The following TSHZ2 variants were observed in gnomAD, a reference collection of about 807,000 sequenced individuals.
The protein encoded by TSHZ2 is teashirt homolog 2.
In TSHZ2, 21 loss-of-function variants were observed where a neutral mutation model predicts 74.4. The observed-to-expected ratio is 0.28, with a 90% CI of 0.20 to 0.41. The LOEUF (loss-of-function observed/expected upper bound fraction) is 0.41, where lower values mean the gene tolerates loss of function less well. TSHZ2 is among the 10% of genes least tolerant of loss of function. The pLI is 1.00. For synonymous variants in TSHZ2, 540 were observed against 515.3 expected, an observed-to-expected ratio of 1.05 and a Z score of -0.65; for missense variants, 1,244 against 1,293.5, an observed-to-expected ratio of 0.96 and a Z score of 0.59.
chr20:53,228,196 A>C (rs1402117543), intron 1 of TSHZ2, among the ~76,000 whole-genome samples: 1 of 151,906 alleles, frequency 6.6e-6, no homozygotes, highest in Non-Finnish European at 1.5e-5. Flanking sequence ...GGTTTTGTGA[A>C]GTTAGCCTCA....
At chr20:53,235,160 G>A (rs1989914187) in intron 1 of TSHZ2, among the ~76,000 whole-genome samples, 1 of 147,400 alleles carries the variant, frequency 6.8e-6, no homozygotes, top group South Asian at 2.2e-4. Context: ...ATGGGGGAGG[G>A]CGTGTTTGTT....
At chr20:53,182,298 C>A (rs561098132) in intron 1 of TSHZ2, among the ~76,000 whole-genome samples, 1 of 151,670 alleles carries the variant, frequency 6.6e-6, no homozygotes, top group African/African-American at 2.4e-5. Flanking sequence ...CTGCCTCCCT[C>A]CCTCTCTCCC....
At chr20:53,083,691 TC>T (rs1985604874) in intron 1 of TSHZ2, among the ~76,000 whole-genome samples, 1 of 152,216 alleles carries the variant, frequency 6.6e-6, no homozygotes, top group African/African-American at 2.4e-5. Context: ...AGTTTCCTCA[TC>T]TATAAATTGG....
chr20:53,141,787 A>C (rs1362745221), intron 1 of TSHZ2, among the ~76,000 whole-genome samples: 1 of 152,210 alleles, frequency 6.6e-6, no homozygotes, highest in Admixed American at 6.5e-5. Context: ...TTAGCATATC[A>C]GCTTGTCAGT....
chr20:53,121,201 T>C (rs1482162259), intron 1 of TSHZ2, among the ~76,000 whole-genome samples: 1 of 152,224 alleles, frequency 6.6e-6, no homozygotes, highest in East Asian at 1.9e-4. Flanking sequence ...TGTCTGTGTG[T>C]GTATGTATAA....
intron 1 of TSHZ2, among the ~76,000 whole-genome samples, chr20:53,028,948 T>C (rs994030689): frequency 4.6e-5 from 7 of 152,252 alleles, no homozygotes; most frequent in African/African-American, 1.7e-4. Context: ...GACACAGCTA[T>C]GACAATGTGT....
At chr20:53,358,624 C>T (rs553889206) in intron 2 of TSHZ2, among the ~76,000 whole-genome samples, 3 of 152,032 alleles carry the variant, frequency 2.0e-5, no homozygotes, top group East Asian at 3.9e-4. Context: ...GGATTACAGG[C>T]GTGAGCCACT....
chr20:53,155,243 C>A (rs1224367849), intron 1 of TSHZ2, among the ~76,000 whole-genome samples: 2 of 151,636 alleles, frequency 1.3e-5, no homozygotes. Flanking sequence ...GAACACCTGA[C>A]CTACCCCAGT....
chr20:53,309,086 A>G (rs1978671379), intron 2 of TSHZ2, among the ~76,000 whole-genome samples: 2 of 152,118 alleles, frequency 1.3e-5, no homozygotes, highest in Admixed American at 6.5e-5. Flanking sequence ...ACATCACACC[A>G]CCCCCGAAAA....
intron 2 of TSHZ2, among the ~76,000 whole-genome samples, chr20:53,282,376 T>C (rs1210584426): frequency 6.6e-6 from 1 of 152,246 alleles, no homozygotes; most frequent in Non-Finnish European, 1.5e-5. Flanking sequence ...TAGCCTTTCA[T>C]ATGCAGATCA....
intron 1 of TSHZ2, among the ~76,000 whole-genome samples, chr20:53,204,803 C>T (rs1009033852): frequency 1.3e-5 from 2 of 151,972 alleles, no homozygotes; most frequent in African/African-American, 4.8e-5. Flanking sequence ...AACTTGTGGC[C>T]GGGTGCGGTG....
intron 2 of TSHZ2, among the ~76,000 whole-genome samples, chr20:53,328,482 C>T (rs1425940347): frequency 6.6e-6 from 1 of 152,200 alleles, no homozygotes; most frequent in Non-Finnish European, 1.5e-5. Flanking sequence ...CTCTGCAATG[C>T]TGATCAGAAA....
At chr20:53,328,783 T>G (rs1027014288) in intron 2 of TSHZ2, among the ~76,000 whole-genome samples, 1 of 152,230 alleles carries the variant, frequency 6.6e-6, no homozygotes, top group Admixed American at 6.5e-5. Flanking sequence ...TTTTTAAGCT[T>G]TTTTTATTTA....
chr20:53,408,638 C>T (rs564295785), intron 2 of TSHZ2, among the ~76,000 whole-genome samples: 4 of 152,224 alleles, frequency 2.6e-5, no homozygotes, highest in African/African-American at 4.8e-5. Flanking sequence ...GGGGCCAAAC[C>T]GTTGGGCTCC....
At chr20:53,379,226 A>G (rs1404662526) in intron 2 of TSHZ2, among the ~76,000 whole-genome samples, 13 of 152,146 alleles carry the variant, frequency 8.5e-5, no homozygotes, top group Admixed American at 6.5e-4. Flanking sequence ...TATAAAAAAT[A>G]CAAAAATTAG....
At chr20:53,185,565 A>G in intron 1 of TSHZ2, 1 of 1,483,848 alleles carries the variant, frequency 6.7e-7, no homozygotes, top group Non-Finnish European at 9.1e-7. Context: ...GGTTGCAGTG[A>G]GCTGAGATCA....
chr20:53,274,373 C>G (rs777565446), intron 2 of TSHZ2, among the ~76,000 whole-genome samples: 1 of 152,196 alleles, frequency 6.6e-6, no homozygotes, highest in Non-Finnish European at 1.5e-5. Context: ...ATTTTTCAAT[C>G]CTAATTTCAT....
intron 2 of TSHZ2, among the ~76,000 whole-genome samples, chr20:53,469,593 G>A (rs1320899931): frequency 1.8e-5 from 1 of 55,538 alleles, no homozygotes; most frequent in African/African-American, 6.9e-5. Context: ...AGGAAGGAAG[G>A]AAGGACCCAA....
chr20:53,359,579 A>G (rs1568884090), intron 2 of TSHZ2, among the ~76,000 whole-genome samples: 1 of 152,252 alleles, frequency 6.6e-6, no homozygotes, highest in East Asian at 1.9e-4. Context: ...TTCATTTGGC[A>G]TAAAGATTAA....
Sources: gnomAD v4.1 joint callset for allele counts (sites outside exome capture counted in the v4.1 genomes callset) on GRCh38, gnomAD v4.1.1 for gene constraint, MANE v1.5 for transcripts, NCBI Gene and HGNC (gene_info 2026-07-23, HGNC 2026-07-21) for gene names.